Variants in SORCS1 observed in about 807,000 individuals in gnomAD.
The protein encoded by SORCS1 is VPS10 domain-containing receptor SorCS1.
A neutral mutation model predicts 146.1 loss-of-function variants in SORCS1; 60 were observed. That is an observed-to-expected ratio of 0.41 (90% CI 0.33 to 0.51). SORCS1 has a LOEUF of 0.51. Among genes scored for constraint, SORCS1 ranks in the 20% least tolerant of loss-of-function variants. The probability of loss-of-function intolerance (pLI) is 0.21; values close to 1 mark genes in which losing one functional copy is unlikely to be tolerated. For synonymous variants in SORCS1, 637 were observed against 584.0 expected, an observed-to-expected ratio of 1.09 and a Z score of -1.31; for missense variants, 1,352 against 1,487.6, an observed-to-expected ratio of 0.91 and a Z score of 1.50.
chr10:106,652,662 T>A, intron 17 of SORCS1, 109 bp from the exon 18 acceptor site: 1 of 1,204,888 alleles, frequency 8.3e-7, no homozygotes, highest in Non-Finnish European at 1.2e-6. Flanking sequence ...AGTAAGCACC[T>A]AACCATCTTT....
At chr10:106,979,992 T>C (rs1468538751) in intron 1 of SORCS1, among the ~76,000 whole-genome samples, 2 of 152,256 alleles carry the variant, frequency 1.3e-5, no homozygotes, top group South Asian at 2.1e-4. Flanking sequence ...ATCATCATTA[T>C]GGTGAATGAA....
chr10:106,758,187 TC>T (rs1161326060), intron 5 of SORCS1, among the ~76,000 whole-genome samples: 7 of 152,186 alleles, frequency 4.6e-5, no homozygotes, highest in Admixed American at 1.3e-4. Context: ...GAAGATTCCT[TC>T]TTCAAGGAAT....
At chr10:106,767,690 G>A (rs181621608) in intron 4 of SORCS1, among the ~76,000 whole-genome samples, 1 of 151,832 alleles carries the variant, frequency 6.6e-6, no homozygotes, top group Non-Finnish European at 1.5e-5. Flanking sequence ...GTGGTTTCAC[G>A]ATGTTGACCA....
At chr10:107,016,995 G>A (rs1236493849) in intron 1 of SORCS1, among the ~76,000 whole-genome samples, 1 of 152,164 alleles carries the variant, frequency 6.6e-6, no homozygotes, top group African/African-American at 2.4e-5. Flanking sequence ...GCAAAGAATA[G>A]AAAGACATGA....
intron 1 of SORCS1, among the ~76,000 whole-genome samples, chr10:107,126,198 A>T (rs1184841291): frequency 6.6e-6 from 1 of 152,118 alleles, no homozygotes; most frequent in Non-Finnish European, 1.5e-5. Flanking sequence ...CTCTTCCAAG[A>T]AAACCAACGA....
chr10:106,615,593 C>T (rs771354860), intron 21 of SORCS1, among the ~76,000 whole-genome samples: 1 of 152,004 alleles, frequency 6.6e-6, no homozygotes, highest in Non-Finnish European at 1.5e-5. Flanking sequence ...GAGGGAGGAT[C>T]GCTTGAGGCC....
chr10:106,730,448 A>T (rs1354364955), intron 5 of SORCS1, among the ~76,000 whole-genome samples: 1 of 152,196 alleles, frequency 6.6e-6, no homozygotes, highest in East Asian at 1.9e-4. Flanking sequence ...TTCAAAACTT[A>T]TTAGGCAGGC....
At chr10:107,113,591 G>A (rs1430764563) in intron 1 of SORCS1, among the ~76,000 whole-genome samples, 1 of 151,378 alleles carries the variant, frequency 6.6e-6, no homozygotes, top group Non-Finnish European at 1.5e-5. Context: ...TTGGGAGGCT[G>A]AGGCAGGAGA....
intron 1 of SORCS1, among the ~76,000 whole-genome samples, chr10:107,003,673 C>T (rs971246191): frequency 2.0e-5 from 3 of 152,018 alleles, no homozygotes; most frequent in Admixed American, 6.6e-5. Context: ...TCTGCAGTGT[C>T]GGTCTAATTC....
intron 1 of SORCS1, among the ~76,000 whole-genome samples, chr10:107,055,977 T>C (rs925037159): frequency 1.1e-4 from 17 of 152,198 alleles, no homozygotes; most frequent in African/African-American, 4.1e-4. Flanking sequence ...AGACTCCCCT[T>C]TGGCAATTTG....
intron 23 of SORCS1, 140 bp from the exon 24 acceptor site, chr10:106,597,590 G>T: frequency 1.6e-6 from 1 of 618,940 alleles, no homozygotes. Flanking sequence ...ATATGATTTT[G>T]ATTTAATTCC....
rs75583908 is a variant in SORCS1, at chr10:107,159,662, T to C, written c.558+4307A>G. On this transcript the variant is annotated intron_variant, in intron 1 of 25. Transcript: ENST00000263054. ...TGACTTACTCAAGGCAACGTGCTGA[T>C]TTAGCAGGACAACTAAGATTCAAAC... is the stretch of plus-strand genomic sequence containing the variant. Among the ~76,000 whole-genome samples the C allele has an allele frequency of 4.2e-3, 634 of 152,264 alleles. 5 individuals are homozygous for C. The highest frequency in any genetic ancestry group is 0.015 in the African/African-American group (606 of 41,552).
chr10:106,919,770 T>C (rs1952617845), intron 2 of SORCS1, among the ~76,000 whole-genome samples: 1 of 152,180 alleles, frequency 6.6e-6, no homozygotes. Flanking sequence ...AGCAACAGAA[T>C]ATGAGTGGAG....
chr10:107,096,219 T>C (rs1437881496), intron 1 of SORCS1, among the ~76,000 whole-genome samples: 2 of 152,266 alleles, frequency 1.3e-5, no homozygotes, highest in East Asian at 3.8e-4. Context: ...GTCACAGTTA[T>C]GTTTCACTGG....
At chr10:106,900,632 G>A (rs2138061382) in intron 2 of SORCS1, among the ~76,000 whole-genome samples, 1 of 152,226 alleles carries the variant, frequency 6.6e-6, no homozygotes, top group South Asian at 2.1e-4. Context: ...GGCTCCAGTG[G>A]CTCCGTAACG....
intron 24 of SORCS1, among the ~76,000 whole-genome samples, chr10:106,581,387 T>C (rs1844903808): frequency 6.6e-6 from 1 of 151,072 alleles, no homozygotes; most frequent in Admixed American, 6.6e-5. Context: ...CCTGGGCTAA[T>C]TTCAGTAAAA....
intron 3 of SORCS1, among the ~76,000 whole-genome samples, chr10:106,780,845 G>A (rs1860833503): frequency 6.6e-6 from 1 of 152,136 alleles, no homozygotes; most frequent in Admixed American, 6.6e-5. Context: ...TGGCAACACA[G>A]GATCCTACCA....
intron 1 of SORCS1, among the ~76,000 whole-genome samples, chr10:107,144,808 G>C (rs1968167553): frequency 6.6e-6 from 1 of 152,198 alleles, no homozygotes; most frequent in Non-Finnish European, 1.5e-5. Flanking sequence ...TTTGAGAAAT[G>C]ACAGCATCAC....
chr10:106,794,189 C>T (rs1044400782), intron 3 of SORCS1, among the ~76,000 whole-genome samples: 4 of 152,112 alleles, frequency 2.6e-5, no homozygotes, highest in Admixed American at 2.6e-4. Flanking sequence ...ACATTATTCC[C>T]ATATGGCCAT....
Sources: allele counts gnomAD v4.1 joint callset (sites outside exome capture counted in the v4.1 genomes callset), GRCh38; gene constraint gnomAD v4.1.1; transcripts MANE v1.5; gene names NCBI Gene and HGNC (gene_info 2026-07-23, HGNC 2026-07-21).